The following STK38L variants were observed in gnomAD, a reference collection of about 807,000 sequenced individuals.
The protein encoded by STK38L is serine/threonine-protein kinase 38-like.
In STK38L, 28 loss-of-function variants were observed where a neutral mutation model predicts 59.7. The observed-to-expected ratio is 0.47, with a 90% CI of 0.35 to 0.64. The LOEUF (loss-of-function observed/expected upper bound fraction) is 0.64. Ranked by LOEUF, STK38L falls within the 30% of genes least tolerant of loss-of-function variation. STK38L has a pLI of 0.01. For synonymous variants in STK38L, 162 were observed against 176.8 expected, an observed-to-expected ratio of 0.92 and a Z score of 0.66; for missense variants, 314 against 555.8, an observed-to-expected ratio of 0.56 and a Z score of 4.37.
chr12:27,295,417 G>C (rs1943994580), intron 1 of STK38L, among the ~76,000 whole-genome samples: 1 of 152,198 alleles, frequency 6.6e-6, no homozygotes, highest in South Asian at 2.1e-4. Context: ...TTAGCAACAA[G>C]GCTGGGATTA....
intron 1 of STK38L, among the ~76,000 whole-genome samples, chr12:27,290,039 G>A (rs1045142273): frequency 1.3e-5 from 2 of 152,172 alleles, no homozygotes; most frequent in Admixed American, 6.5e-5. Context: ...ATTGAGCAGG[G>A]AAGGGAAGAA....
At chr12:27,305,338 C>G (rs1449807689) in intron 3 of STK38L, among the ~76,000 whole-genome samples, 1 of 152,186 alleles carries the variant, frequency 6.6e-6, no homozygotes, top group Non-Finnish European at 1.5e-5. Context: ...TTCTGAATAA[C>G]TTGTAGAAAA....
intron 3 of STK38L, among the ~76,000 whole-genome samples, chr12:27,306,773 C>T (rs868389298): frequency 8.3e-5 from 10 of 121,194 alleles, no homozygotes; most frequent in Middle Eastern, 8.3e-3. Flanking sequence ...GATGGAGTTT[C>T]GGTCTTGTCA....
At chr12:27,293,501 G>A (rs139038046) in intron 1 of STK38L, 1 of 152,350 alleles carries the variant, frequency 6.6e-6, no homozygotes, top group Non-Finnish European at 1.5e-5. Flanking sequence ...GTGTAAATCA[G>A]TAAACTGCAT....
At position 27,302,202 on chromosome 12, in the gene STK38L, C is replaced by G. The variant is rs759877137; in HGVS notation, c.186+14C>G. The G allele has an allele frequency of 1.3e-6, 2 of 1,586,412 alleles. No individual in the cohort carries two copies. The highest frequency in any genetic ancestry group is 1.7e-6 in the Non-Finnish European group (2 of 1,165,478). ...GCAGATGAAGAGGTAATGTAATTAC[C>G]TATAATTACTGTACAAAAGCACCCC... On this transcript the variant is annotated intron_variant, in intron 3 of 13. Coordinates refer to ENST00000389032, the MANE Select transcript of STK38L (RefSeq NM_015000.4).
chr12:27,317,170 T>C (rs1452832603), intron 9 of STK38L, among the ~76,000 whole-genome samples, 166 bp from the exon 10 acceptor site: 1 of 152,242 alleles, frequency 6.6e-6, no homozygotes, highest in African/African-American at 2.4e-5. Context: ...TAACATATTA[T>C]CTGACTCACT....
chr12:27,318,171 TAAAAGG>T, intron 11 of STK38L, 152 bp downstream of exon 11: 1 of 985,752 alleles, frequency 1.0e-6, no homozygotes, highest in South Asian at 1.7e-5. Flanking sequence ...TGTAAACTCT[TAAAAGG>T]AAGTATGCAG....
chr12:27,297,972 T>G, intron 2 of STK38L, 118 bp downstream of exon 2: 2 of 1,292,708 alleles, frequency 1.5e-6, no homozygotes, highest in Non-Finnish European at 2.1e-6. Flanking sequence ...ATGCTGTTTT[T>G]GAGTTTCCTG....
rs1245936044 is a variant in STK38L, at chr12:27,308,891, A to AATATATAAAT, written c.310-206_310-197dup. 6.9e-6 allele frequency among the ~76,000 whole-genome samples: 1 copy of AATATATAAAT among 145,230 alleles called. No individual in the cohort carries two copies. The highest frequency in any genetic ancestry group is 2.5e-5 in the African/African-American group (1 of 39,958). On this transcript the variant is annotated intron_variant, in intron 4 of 13. Coordinates refer to ENST00000389032, the MANE Select transcript of STK38L (RefSeq NM_015000.4). This position sits in a 1 kb window ranked among gnomAD's most constrained non-coding sequence, Gnocchi z 4.5. ...ATAAATATAAATATATATAAATGTA[A>AATATATAAAT]ATATATAAATATATATAAATATATA...
chr12:27,286,688 A>G (rs1234098397), intron 1 of STK38L, among the ~76,000 whole-genome samples: 2 of 152,242 alleles, frequency 1.3e-5, no homozygotes, highest in Non-Finnish European at 2.9e-5. Context: ...ATAGACTCCT[A>G]AAGTTGGAAT....
At chr12:27,286,447 G>A (rs1943775050) in intron 1 of STK38L, among the ~76,000 whole-genome samples, 1 of 152,054 alleles carries the variant, frequency 6.6e-6, no homozygotes, top group South Asian at 2.1e-4. Context: ...GTATAGTTGA[G>A]TTCATATTGT....
chr12:27,322,497 C>T lies in STK38L; in HGVS notation c.*42C>T. On this transcript the variant is annotated 3_prime_UTR_variant, in exon 14 of 14. Coordinates refer to ENST00000389032, the MANE Select transcript of STK38L (RefSeq NM_015000.4). ...CCCATAACCAAGAGAACTCAGGTAG[C>T]TGCATCACCAGGCTTGCTTGGCGTA... The T allele has an allele frequency of 6.3e-7, 1 of 1,596,900 alleles. No individual in the cohort carries two copies. Among genetic ancestry groups the T allele is most frequent in the Non-Finnish European group, 8.5e-7 (1 of 1,174,404 alleles).
intron 1 of STK38L, among the ~76,000 whole-genome samples, chr12:27,252,759 A>G (rs977250670): frequency 6.6e-6 from 1 of 152,222 alleles, no homozygotes; most frequent in Non-Finnish European, 1.5e-5. Context: ...TTGCATGTAT[A>G]TGACCCATTG....
intron 12 of STK38L, among the ~76,000 whole-genome samples, chr12:27,321,662 A>T (rs2136654411): frequency 6.6e-6 from 1 of 152,314 alleles, no homozygotes; most frequent in African/African-American, 2.4e-5. Context: ...TAAAAATGGC[A>T]AGTAGGTGGA....
intron 5 of STK38L, among the ~76,000 whole-genome samples, chr12:27,312,066 A>C (rs962178277): frequency 1.6e-4 from 24 of 152,136 alleles, no homozygotes; most frequent in African/African-American, 5.8e-4. Flanking sequence ...TGTTTAGTAG[A>C]GACGGGGTTT....
chr12:27,258,156 C>T (rs1591850344), intron 1 of STK38L, among the ~76,000 whole-genome samples: 2 of 152,126 alleles, frequency 1.3e-5, no homozygotes, highest in East Asian at 3.9e-4. Context: ...CATGCCCGGC[C>T]TATGTCAAGC....
At chr12:27,307,924 T>C (rs1473053910) in intron 3 of STK38L, among the ~76,000 whole-genome samples, 2 of 152,206 alleles carry the variant, frequency 1.3e-5, no homozygotes, top group African/African-American at 4.8e-5. Flanking sequence ...GTTGTTATTT[T>C]ATTGTCACAA....
intron 1 of STK38L, among the ~76,000 whole-genome samples, chr12:27,253,717 G>A (rs1417700098): frequency 6.6e-6 from 1 of 152,176 alleles, no homozygotes; most frequent in East Asian, 1.9e-4. Context: ...GCTTAGACTT[G>A]AAGGGTGAGG....
chr12:27,302,117 T>C lies in STK38L; in HGVS notation c.135-20T>C. On this transcript the variant is annotated intron_variant, in intron 2 of 13. Transcript: ENST00000389032. ...AGTTAGGAATGTATTTAAAATTTAA[T>C]TTTTTTTTCCTTTGAAAAGGCAGAA... is the stretch of plus-strand genomic sequence containing the variant. 6.4e-7 allele frequency: 1 copy of C among 1,565,706 alleles called. No individual in the cohort carries two copies. The highest frequency in any genetic ancestry group is 8.7e-7 in the Non-Finnish European group (1 of 1,148,704).
Sources: allele counts gnomAD v4.1 joint callset (sites outside exome capture counted in the v4.1 genomes callset), GRCh38; gene constraint gnomAD v4.1.1; non-coding constraint Gnocchi (gnomAD v3.1); transcripts MANE v1.5; gene names NCBI Gene and HGNC (gene_info 2026-07-23, HGNC 2026-07-21).